NRXN1: variants seen among roughly 807,000 people sequenced by gnomAD.
NRXN1 encodes neurexin-1.
In NRXN1, 39 loss-of-function variants were observed where a neutral mutation model predicts 150.9. The observed-to-expected ratio is 0.26, with a 90% CI of 0.20 to 0.34. NRXN1 has a LOEUF of 0.34. Among genes scored for constraint, NRXN1 ranks in the 10% least tolerant of loss-of-function variants. The probability of loss-of-function intolerance (pLI) is 1.00; values close to 1 mark genes in which losing one functional copy is unlikely to be tolerated. For missense variants in NRXN1, 1,815 were observed against 1,949.9 expected (o/e 0.93, Z 1.30); for synonymous variants, 924 against 757.0 (o/e 1.22, Z -3.62).
intron 17 of NRXN1, among the ~76,000 whole-genome samples, chr2:50,424,352 A>C (rs2104298386): frequency 7.6e-6 from 1 of 131,826 alleles, no homozygotes; most frequent in South Asian, 2.4e-4. Context: ...GGAGGAAATA[A>C]ATTTTGGGAG....
intron 17 of NRXN1, among the ~76,000 whole-genome samples, chr2:50,309,629 C>A (rs13387808): frequency 0.12 from 17,587 of 152,148 alleles, 1,322 homozygotes; most frequent in East Asian, 0.39. Context: ...TGCATAAAAT[C>A]AGGCCAGTTT....
intron 18 of NRXN1, among the ~76,000 whole-genome samples, chr2:50,231,757 T>G (rs1247345085): frequency 6.6e-6 from 1 of 152,078 alleles, no homozygotes; most frequent in East Asian, 1.9e-4. Flanking sequence ...GTGACTTTCT[T>G]CTGTCAGAGA....
chr2:50,260,016 G>A (rs1487933185), intron 17 of NRXN1, among the ~76,000 whole-genome samples: 2 of 151,768 alleles, frequency 1.3e-5, no homozygotes. Context: ...ATAGTGGGAG[G>A]AGAGAAGGAA....
intron 8 of NRXN1, among the ~76,000 whole-genome samples, chr2:50,610,796 A>C (rs1366006893): frequency 6.8e-6 from 1 of 146,222 alleles, no homozygotes; most frequent in African/African-American, 2.5e-5. Context: ...ACACACATAC[A>C]TTTATATATA....
intron 2 of NRXN1, among the ~76,000 whole-genome samples, chr2:51,017,600 T>C (rs1219675992): frequency 6.8e-6 from 1 of 146,434 alleles, no homozygotes; most frequent in Non-Finnish European, 1.5e-5. Flanking sequence ...CAAGTGACTC[T>C]ATTTGTACTC....
chr2:50,956,023 T>A (rs1447304881), intron 2 of NRXN1, among the ~76,000 whole-genome samples: 2 of 152,080 alleles, frequency 1.3e-5, no homozygotes, highest in East Asian at 3.9e-4. Flanking sequence ...AAAACTCAGA[T>A]CCTCTTGAGG....
At chr2:50,585,496 T>C (rs1672956241) in intron 8 of NRXN1, among the ~76,000 whole-genome samples, 2 of 152,094 alleles carry the variant, frequency 1.3e-5, no homozygotes, top group Admixed American at 1.3e-4. Flanking sequence ...TACTAAAAAA[T>C]GGTCAAGATA....
chr2:50,318,012 G>T (rs2152970732), intron 17 of NRXN1, among the ~76,000 whole-genome samples: 1 of 151,960 alleles, frequency 6.6e-6, no homozygotes, highest in East Asian at 1.9e-4. Flanking sequence ...TCAAATTTTA[G>T]AACTCCATTC....
intron 3 of NRXN1, chr2:50,923,406 C>G (rs770047357): frequency 3.2e-6 from 1 of 309,232 alleles, no homozygotes; most frequent in Non-Finnish European, 6.9e-6. Flanking sequence ...ATGCTGAACT[C>G]TAAGTTAGTG....
intron 8 of NRXN1, among the ~76,000 whole-genome samples, chr2:50,572,149 A>G (rs952322416): frequency 6.6e-6 from 1 of 152,158 alleles, no homozygotes; most frequent in Admixed American, 6.5e-5. Flanking sequence ...GAGCTCACGC[A>G]AGGAGTCTTC....
intron 17 of NRXN1, among the ~76,000 whole-genome samples, chr2:50,371,443 A>G (rs2080019612): frequency 6.6e-6 from 1 of 152,088 alleles, no homozygotes; most frequent in South Asian, 2.1e-4. Context: ...CTAACAAAAA[A>G]TCAAATATTT....
At chr2:50,232,743 T>C (rs1254360286) in intron 18 of NRXN1, among the ~76,000 whole-genome samples, 1 of 152,140 alleles carries the variant, frequency 6.6e-6, no homozygotes, top group Admixed American at 6.6e-5. Context: ...TCAGAAAGTT[T>C]ATTTCTATTT....
At chr2:50,713,877 C>T (rs1695522565) in intron 5 of NRXN1, among the ~76,000 whole-genome samples, 1 of 151,994 alleles carries the variant, frequency 6.6e-6, no homozygotes, top group Non-Finnish European at 1.5e-5. Context: ...AATAGAAATA[C>T]AATGTGATGG....
At chr2:50,857,430 C>T (rs775033637) in intron 5 of NRXN1, among the ~76,000 whole-genome samples, 4 of 151,938 alleles carry the variant, frequency 2.6e-5, no homozygotes, top group Non-Finnish European at 5.9e-5. Flanking sequence ...AAATTAGCTT[C>T]CACCCCTTTC....
chr2:50,940,333 G>A (rs1689221073), intron 2 of NRXN1, among the ~76,000 whole-genome samples: 1 of 151,850 alleles, frequency 6.6e-6, no homozygotes, highest in Non-Finnish European at 1.5e-5. Flanking sequence ...AAATTAGCTG[G>A]GCATGGTGGT....
chr2:51,001,926 C>T (rs1162795612), intron 2 of NRXN1, among the ~76,000 whole-genome samples: 9 of 151,996 alleles, frequency 5.9e-5, no homozygotes, highest in African/African-American at 2.2e-4. Flanking sequence ...AAGATACCCT[C>T]CCTATATTGG....
chr2:50,184,318 G>A (rs972699625), intron 18 of NRXN1, among the ~76,000 whole-genome samples: 3 of 151,960 alleles, frequency 2.0e-5, no homozygotes, highest in Non-Finnish European at 4.4e-5. Flanking sequence ...TTTCAGGGCC[G>A]AAATAAGGAC....
chr2:50,844,372 C>T (rs562583076), intron 5 of NRXN1, among the ~76,000 whole-genome samples: 2 of 152,306 alleles, frequency 1.3e-5, no homozygotes, highest in African/African-American at 2.4e-5. Flanking sequence ...GCTGACCCTT[C>T]GTCTACATTC....
intron 17 of NRXN1, among the ~76,000 whole-genome samples, chr2:50,436,982 A>G (rs1000635699): frequency 6.6e-6 from 1 of 152,136 alleles, no homozygotes. Flanking sequence ...CCTCTTTACT[A>G]GGCAAATTAT....
Sources: allele counts gnomAD v4.1 joint callset (sites outside exome capture counted in the v4.1 genomes callset), GRCh38; gene constraint gnomAD v4.1.1; transcripts MANE v1.5; gene names NCBI Gene and HGNC (gene_info 2026-07-23, HGNC 2026-07-21).